TRDN: variants seen among roughly 807,000 people sequenced by gnomAD.
The protein encoded by TRDN is triadin in skeletal muscle.
TRDN carries 161 observed loss-of-function variants against 149.7 expected under a neutral mutation model. That is an observed-to-expected ratio of 1.08 (90% confidence interval 0.95 to 1.23). The LOEUF (loss-of-function observed/expected upper bound fraction) is 1.23, where lower values mean the gene tolerates loss of function less well. Among genes scored for constraint, TRDN ranks in the 50% most tolerant of loss-of-function variants. The probability of loss-of-function intolerance (pLI) is 0.00; values close to 1 mark genes in which losing one functional copy is unlikely to be tolerated. For missense variants in TRDN, 896 were observed against 823.5 expected, an observed-to-expected ratio of 1.09 and a Z score of -1.08; for synonymous variants, 294 against 250.5, an observed-to-expected ratio of 1.17 and a Z score of -1.64.
chr6:123,507,542 A>G (rs1778986793), intron 7 of TRDN, among the ~76,000 whole-genome samples: 1 of 152,202 alleles, frequency 6.6e-6, no homozygotes, highest in Non-Finnish European at 1.5e-5. Flanking sequence ...AGAAAATATC[A>G]TGAAACTAAA....
chr6:123,448,400 T>C (rs1473498577), intron 10 of TRDN, among the ~76,000 whole-genome samples: 7 of 152,076 alleles, frequency 4.6e-5, no homozygotes, highest in Non-Finnish European at 7.4e-5. Context: ...GCGGGGGACA[T>C]GGTGGGAGTG....
chr6:123,621,385 G>A (rs1222101924), intron 1 of TRDN, among the ~76,000 whole-genome samples: 1 of 152,112 alleles, frequency 6.6e-6, no homozygotes, highest in Non-Finnish European at 1.5e-5. Context: ...GTTTGAGTGA[G>A]CAAGGTGTCT....
intron 38 of TRDN, among the ~76,000 whole-genome samples, chr6:123,224,609 A>G (rs1200018785): frequency 2.0e-5 from 3 of 151,832 alleles, no homozygotes; most frequent in Non-Finnish European, 4.4e-5. Context: ...CCATGCACAT[A>G]CATGAGTCAA....
chr6:123,397,429 A>G (rs1313425820), intron 12 of TRDN, among the ~76,000 whole-genome samples: 1 of 152,152 alleles, frequency 6.6e-6, no homozygotes, highest in African/African-American at 2.4e-5. Context: ...TACCCTATAA[A>G]TTCTCTGAGA....
chr6:123,576,674 C>T (rs1782875536), intron 1 of TRDN, among the ~76,000 whole-genome samples: 1 of 151,800 alleles, frequency 6.6e-6, no homozygotes, highest in Admixed American at 6.6e-5. Context: ...AATGCCATCA[C>T]CTTAGGAATG....
At chr6:123,439,103 G>C in intron 10 of TRDN, 100 bp from the exon 11 acceptor site, 1 of 868,264 alleles carries the variant, frequency 1.2e-6, no homozygotes, top group African/African-American at 1.7e-5. Context: ...TCTGCCTCCA[G>C]CTAGCTTTGT....
At chr6:123,258,930 T>C (rs751168555) in intron 35 of TRDN, among the ~76,000 whole-genome samples, 1 of 152,118 alleles carries the variant, frequency 6.6e-6, no homozygotes, top group Non-Finnish European at 1.5e-5. Context: ...TACATAGAGG[T>C]GTTTATAGTA....
rs1777456583 is a variant in TRDN at position 123,278,461 on chromosome 6, A to G, written c.1538-114T>C. On this transcript the variant is annotated intron_variant, in intron 25 of 40. Coordinates refer to ENST00000334268, the MANE Select transcript of TRDN (RefSeq NM_006073.4). ...TTTTCTATGTTATTCATTGGTTTCA[A>G]TCTCCTATTAACTTCGAAAAGTTCA... is the stretch of plus-strand genomic sequence containing the variant. 6 of 683,832 alleles carry G rather than the reference A, an allele frequency of 8.8e-6. No homozygotes were observed. The South Asian group carries it at 1.8e-4, about 20-fold the overall frequency. The allele number at this position is 683,832 out of a possible 1,614,324, so 42.4% of individuals were successfully genotyped here.
chr6:123,222,246 A>G (rs1311992883), intron 39 of TRDN, among the ~76,000 whole-genome samples: 1 of 151,284 alleles, frequency 6.6e-6, no homozygotes, highest in Non-Finnish European at 1.5e-5. Context: ...TGTTTCATAG[A>G]AAGTTAGGTT....
At chr6:123,374,055 C>A (rs1392973561) in intron 19 of TRDN, among the ~76,000 whole-genome samples, 1 of 152,090 alleles carries the variant, frequency 6.6e-6, no homozygotes, top group East Asian at 1.9e-4. Flanking sequence ...TGAATTATAT[C>A]AAATTAATTT....
chr6:123,295,634 A>G (rs911746766), intron 24 of TRDN, among the ~76,000 whole-genome samples: 1 of 152,148 alleles, frequency 6.6e-6, no homozygotes, highest in Non-Finnish European at 1.5e-5. Flanking sequence ...GCATCCATAA[A>G]TCAGAACATC....
intron 4 of TRDN, among the ~76,000 whole-genome samples, chr6:123,535,528 G>T (rs1780486393): frequency 6.6e-6 from 1 of 152,076 alleles, no homozygotes; most frequent in African/African-American, 2.4e-5. Context: ...GAAATCCAAA[G>T]AAAACATTAT....
At chr6:123,327,892 A>G (rs1779518639) in intron 23 of TRDN, among the ~76,000 whole-genome samples, 1 of 152,204 alleles carries the variant, frequency 6.6e-6, no homozygotes, top group South Asian at 2.1e-4. Context: ...ATATTTAAAC[A>G]TAAGTACATA....
At chr6:123,355,695 G>A (rs796683403) in intron 20 of TRDN, among the ~76,000 whole-genome samples, 7 of 151,818 alleles carry the variant, frequency 4.6e-5, no homozygotes, top group African/African-American at 1.7e-4. Flanking sequence ...GGATTATGAT[G>A]AATTAATAGA....
chr6:123,570,406 C>T (rs1361042687), intron 2 of TRDN, among the ~76,000 whole-genome samples: 1 of 152,100 alleles, frequency 6.6e-6, no homozygotes, highest in African/African-American at 2.4e-5. Flanking sequence ...GTGAAAAACT[C>T]TCTTTATTTT....
At chr6:123,342,734 T>C (rs1479865714) in intron 21 of TRDN, among the ~76,000 whole-genome samples, 2 of 152,014 alleles carry the variant, frequency 1.3e-5, no homozygotes, top group Non-Finnish European at 2.9e-5. Context: ...TTCTACACTA[T>C]ACCTCTGGGA....
chr6:123,500,336 T>TG (rs1778645144), intron 8 of TRDN, among the ~76,000 whole-genome samples: 1 of 152,158 alleles, frequency 6.6e-6, no homozygotes, highest in Non-Finnish European at 1.5e-5. Flanking sequence ...TCCTTGGCAA[T>TG]GACCTTAACA....
At chr6:123,370,471 A>T (rs1177215279) in intron 19 of TRDN, among the ~76,000 whole-genome samples, 2 of 152,110 alleles carry the variant, frequency 1.3e-5, no homozygotes, top group East Asian at 3.9e-4. Flanking sequence ...TGGTCTACAA[A>T]CTATGGATTT....
At chr6:123,256,381 T>C (rs1776564521) in intron 35 of TRDN, among the ~76,000 whole-genome samples, 1 of 152,144 alleles carries the variant, frequency 6.6e-6, no homozygotes, top group African/African-American at 2.4e-5. Context: ...TCACATGCTA[T>C]TTCTGGTTCT....
Sources: allele counts gnomAD v4.1 joint callset (sites outside exome capture counted in the v4.1 genomes callset), GRCh38; gene constraint gnomAD v4.1.1; transcripts MANE v1.5; gene names NCBI Gene and HGNC (gene_info 2026-07-23, HGNC 2026-07-21).